The following CADM2 variants were observed in gnomAD, a reference collection of about 807,000 sequenced individuals.
CADM2 encodes immunoglobulin superfamily member 4D.
In CADM2, 12 loss-of-function variants were observed where a neutral mutation model predicts 49.8. The observed-to-expected ratio is 0.24, with a 90% CI of 0.15 to 0.39. The LOEUF (loss-of-function observed/expected upper bound fraction) is 0.39. Ranked by LOEUF, CADM2 falls within the 10% of genes least tolerant of loss-of-function variation. CADM2 has a pLI of 1.00. For missense variants in CADM2, 378 were observed against 492.3 expected, an observed-to-expected ratio of 0.77 and a Z score of 2.20; for synonymous variants, 214 against 175.4, an observed-to-expected ratio of 1.22 and a Z score of -1.74.
intron 1 of CADM2, among the ~76,000 whole-genome samples, chr3:85,351,308 A>G (rs936853669): frequency 6.6e-6 from 1 of 152,204 alleles, no homozygotes; most frequent in Non-Finnish European, 1.5e-5. Flanking sequence ...GAAATATTTC[A>G]TATTTTAGAA....
chr3:85,872,249 A>C (rs970380460), intron 3 of CADM2, among the ~76,000 whole-genome samples: 1 of 152,324 alleles, frequency 6.6e-6, no homozygotes, highest in Middle Eastern at 3.4e-3. Flanking sequence ...CCTCTTGAGA[A>C]TTAGTAAGAG....
intron 1 of CADM2, among the ~76,000 whole-genome samples, chr3:85,151,645 G>A (rs2039926150): frequency 6.6e-6 from 1 of 152,004 alleles, no homozygotes; most frequent in East Asian, 1.9e-4. Context: ...ATTTTTTATG[G>A]TTGCTTTAAT....
chr3:85,576,261 A>T (rs796422623), intron 1 of CADM2, among the ~76,000 whole-genome samples: 29 of 152,330 alleles, frequency 1.9e-4, no homozygotes, highest in African/African-American at 7.0e-4. Flanking sequence ...TGAAAGAGGT[A>T]GGCAAGGCTG....
chr3:85,656,983 A>G (rs2065219015), intron 1 of CADM2, among the ~76,000 whole-genome samples: 1 of 152,164 alleles, frequency 6.6e-6, no homozygotes, highest in Non-Finnish European at 1.5e-5. Context: ...ACTTCTAAAT[A>G]TGTCCAGATT....
intron 6 of CADM2, among the ~76,000 whole-genome samples, chr3:85,934,784 A>G (rs1165532417): frequency 6.6e-6 from 1 of 152,052 alleles, no homozygotes; most frequent in African/African-American, 2.4e-5. Context: ...AAGAATGTAT[A>G]TAATAACAGT....
intron 2 of CADM2, among the ~76,000 whole-genome samples, chr3:85,784,699 T>C (rs1041220688): frequency 6.6e-5 from 10 of 152,118 alleles, no homozygotes; most frequent in African/African-American, 2.4e-4. Flanking sequence ...TAATCCGATA[T>C]GGATTTTTGC....
chr3:85,579,215 TC>T (rs2062725635), intron 1 of CADM2, among the ~76,000 whole-genome samples: 1 of 152,310 alleles, frequency 6.6e-6, no homozygotes, highest in East Asian at 1.9e-4. Context: ...AACTCAATCC[TC>T]CAAAAATATA....
At chr3:85,861,238 A>G (rs2075521112) in intron 3 of CADM2, among the ~76,000 whole-genome samples, 1 of 152,184 alleles carries the variant, frequency 6.6e-6, no homozygotes, top group African/African-American at 2.4e-5. Flanking sequence ...GTATGGTGTT[A>G]GGAGTATAGG....
intron 2 of CADM2, among the ~76,000 whole-genome samples, chr3:85,782,740 G>T (rs183857535): frequency 3.0e-4 from 46 of 151,604 alleles, no homozygotes; most frequent in Non-Finnish European, 5.4e-4. Context: ...TTAATGTATT[G>T]CTTAGAGGAG....
chr3:84,967,210 G>A (rs1366895845), intron 1 of CADM2, among the ~76,000 whole-genome samples: 2 of 151,972 alleles, frequency 1.3e-5, no homozygotes, highest in Non-Finnish European at 2.9e-5. Flanking sequence ...ATTTATTATT[G>A]TAAGGAAATA....
chr3:85,527,360 C>G (rs1023798827), intron 1 of CADM2, among the ~76,000 whole-genome samples: 4 of 142,396 alleles, frequency 2.8e-5, no homozygotes, highest in Admixed American at 7.5e-5. Context: ...TGTCACTGCA[C>G]TCTAGCCTGG....
intron 1 of CADM2, among the ~76,000 whole-genome samples, chr3:85,439,285 C>T (rs377321428): frequency 1.3e-5 from 2 of 151,658 alleles, no homozygotes; most frequent in East Asian, 3.9e-4. Flanking sequence ...TCCTTAGTAG[C>T]TGGGATTACA....
At chr3:85,525,274 T>A (rs1285898324) in intron 1 of CADM2, among the ~76,000 whole-genome samples, 1 of 152,196 alleles carries the variant, frequency 6.6e-6, no homozygotes, top group East Asian at 1.9e-4. Context: ...TCTTCTGTTA[T>A]TTACATCTAC....
intron 1 of CADM2, among the ~76,000 whole-genome samples, chr3:85,640,167 T>A (rs2064665422): frequency 6.6e-6 from 1 of 152,182 alleles, no homozygotes; most frequent in Non-Finnish European, 1.5e-5. Context: ...ATTAGGATAG[T>A]ACCTGTCACC....
Position 85,568,437 on chromosome 3 carries a change from T to TTCTCTTTCTCTC in CADM2, c.62-158082_62-158081insCTTTCTCTCTCT, listed in dbSNP as rs1161376935. On this transcript the variant is annotated intron_variant, in intron 1 of 9. Transcript: ENST00000383699. ...TTTCTTTCTTTCTTTCTTTCTTTCT[T>TTCTCTTTCTCTC]TCTTTCTTTCTTTCTTTCTTTCTTT... 9.8e-5 allele frequency among the ~76,000 whole-genome samples: 2 copies of TTCTCTTTCTCTC among 20,382 alleles called. 1 individual carries two copies. Among genetic ancestry groups the TTCTCTTTCTCTC allele is most frequent in the Non-Finnish European group, 2.2e-4 (2 of 9,222 alleles). The allele number at this position is 20,382 out of a possible 152,430, so 13.4% of individuals were successfully genotyped here. A position where few individuals can be genotyped will look rare whatever the true frequency, so the allele number is the denominator to read the frequency against.
At chr3:85,420,796 A>G (rs2036135568) in intron 1 of CADM2, among the ~76,000 whole-genome samples, 1 of 152,196 alleles carries the variant, frequency 6.6e-6, no homozygotes, top group Non-Finnish European at 1.5e-5. Context: ...TGTGATAAAT[A>G]AGACTTTTTC....
intron 1 of CADM2, among the ~76,000 whole-genome samples, chr3:85,193,537 C>T (rs2041263627): frequency 6.6e-6 from 1 of 152,004 alleles, no homozygotes; most frequent in Non-Finnish European, 1.5e-5. Context: ...CAGTGATTCA[C>T]ATTATGCCCA....
At chr3:85,559,821 C>T (rs2062048899) in intron 1 of CADM2, among the ~76,000 whole-genome samples, 1 of 152,036 alleles carries the variant, frequency 6.6e-6, no homozygotes, top group African/African-American at 2.4e-5. Flanking sequence ...AAGGAAATTG[C>T]ATCAGTGATG....
chr3:85,649,502 A>G (rs1427009108), intron 1 of CADM2, among the ~76,000 whole-genome samples: 1 of 152,192 alleles, frequency 6.6e-6, no homozygotes, highest in African/African-American at 2.4e-5. Flanking sequence ...AACAAGAAGC[A>G]CTTAGTTAGT....
Sources: allele counts gnomAD v4.1 joint callset (sites outside exome capture counted in the v4.1 genomes callset), GRCh38; gene constraint gnomAD v4.1.1; transcripts MANE v1.5; gene names NCBI Gene and HGNC (gene_info 2026-07-23, HGNC 2026-07-21).